The following RUNDC3B variants were observed in gnomAD, a reference collection of about 807,000 sequenced individuals.
The protein encoded by RUNDC3B is RUN domain-containing protein 3B.
RUNDC3B carries 33 observed loss-of-function variants against 58.4 expected under a neutral mutation model. The observed-to-expected ratio is 0.56, with a 90% confidence interval of 0.43 to 0.75. The LOEUF is 0.75. RUNDC3B is among the 30% of genes least tolerant of loss of function. The probability of loss-of-function intolerance (pLI) is 0.00; values close to 1 mark genes in which losing one functional copy is unlikely to be tolerated. For synonymous variants in RUNDC3B, 193 were observed against 195.2 expected, an observed-to-expected ratio of 0.99 and a Z score of 0.10; for missense variants, 501 against 535.7, an observed-to-expected ratio of 0.94 and a Z score of 0.64.
intron 2 of RUNDC3B, among the ~76,000 whole-genome samples, chr7:87,676,703 CAAAAAAAA>C (rs57480483): frequency 6.6e-5 from 3 of 45,432 alleles, no homozygotes; most frequent in Non-Finnish European, 8.8e-5. Flanking sequence ...GACCCTGTCT[CAAAAAAAA>C]AAAAAAAAAA....
intron 2 of RUNDC3B, among the ~76,000 whole-genome samples, chr7:87,654,099 A>C (rs1823841828): frequency 6.6e-6 from 1 of 152,088 alleles, no homozygotes; most frequent in African/African-American, 2.4e-5. Flanking sequence ...AAGTGGAAAG[A>C]TATATGTGTT....
chr7:87,715,459 T>C (rs1474121665), intron 4 of RUNDC3B, among the ~76,000 whole-genome samples: 3 of 131,364 alleles, frequency 2.3e-5, no homozygotes, highest in East Asian at 2.0e-4. Flanking sequence ...ATAATTATAT[T>C]ATATTAATTT....
At chr7:87,817,605 A>G (rs894995041) in intron 10 of RUNDC3B, among the ~76,000 whole-genome samples, 1 of 152,100 alleles carries the variant, frequency 6.6e-6, no homozygotes, top group African/African-American at 2.4e-5. Flanking sequence ...TTCTTTCTTA[A>G]GGCCTTTGCG....
intron 8 of RUNDC3B, among the ~76,000 whole-genome samples, chr7:87,787,720 G>A (rs185864508): frequency 1.1e-3 from 163 of 152,208 alleles, no homozygotes; most frequent in Middle Eastern, 6.8e-3. Context: ...CTCACTTTGT[G>A]AACCATTATG....
At chr7:87,750,035 C>T (rs377085145) in intron 6 of RUNDC3B, among the ~76,000 whole-genome samples, 2 of 152,082 alleles carry the variant, frequency 1.3e-5, no homozygotes, top group Non-Finnish European at 2.9e-5. Flanking sequence ...CCTCTCCCCC[C>T]ACCCCACAAC....
At chr7:87,828,043 C>A (rs1010500455) in intron 10 of RUNDC3B, among the ~76,000 whole-genome samples, 1 of 152,146 alleles carries the variant, frequency 6.6e-6, no homozygotes, top group Non-Finnish European at 1.5e-5. Context: ...ATTCTCTAAT[C>A]ACAGTGCAAA....
chr7:87,660,670 C>G (rs1824608271), intron 2 of RUNDC3B, among the ~76,000 whole-genome samples: 1 of 151,542 alleles, frequency 6.6e-6, no homozygotes, highest in Non-Finnish European at 1.5e-5. Flanking sequence ...TCTTCTTTGG[C>G]TCTATTATGT....
intron 5 of RUNDC3B, among the ~76,000 whole-genome samples, chr7:87,741,291 A>C (rs1832312275): frequency 6.6e-6 from 1 of 152,008 alleles, no homozygotes. Flanking sequence ...ATAGTGTATT[A>C]ATTTGTACAA....
chr7:87,648,184 C>CAAAAAAAA (rs138383809), intron 1 of RUNDC3B, among the ~76,000 whole-genome samples: 1 of 65,458 alleles, frequency 1.5e-5, no homozygotes, highest in African/African-American at 5.5e-5. Flanking sequence ...GACTCTGTCT[C>CAAAAAAAA]AAAAAAAAAA....
chr7:87,822,231 A>G (rs933075950), intron 10 of RUNDC3B, among the ~76,000 whole-genome samples: 2 of 152,258 alleles, frequency 1.3e-5, no homozygotes, highest in African/African-American at 2.4e-5. Flanking sequence ...GGCGAAGGAC[A>G]TGAACAGACA....
intron 7 of RUNDC3B, among the ~76,000 whole-genome samples, chr7:87,773,325 A>AC (rs1403940705): frequency 6.7e-6 from 1 of 150,248 alleles, no homozygotes; most frequent in Admixed American, 6.6e-5. Flanking sequence ...TCCGTCTCAA[A>AC]AAAAAAAAAA....
intron 2 of RUNDC3B, among the ~76,000 whole-genome samples, chr7:87,662,558 A>G (rs149137004): frequency 1.3e-5 from 2 of 152,112 alleles, no homozygotes; most frequent in African/African-American, 2.4e-5. Flanking sequence ...AAATGAGTTA[A>G]CTGTAGTTTT....
chr7:87,703,939 T>TTTTTTTTTTTTTTTTTTTTTTTTTTTTTG (rs1829360490), intron 3 of RUNDC3B, among the ~76,000 whole-genome samples: 1 of 130,584 alleles, frequency 7.7e-6, no homozygotes, highest in African/African-American at 2.9e-5. Flanking sequence ...TTTTTTTTTT[T>TTTTTTTTTTTTTTTTTTTTTTTTTTTTTG]TGAGACAGTC....
intron 4 of RUNDC3B, among the ~76,000 whole-genome samples, chr7:87,724,309 A>T (rs1216873520): frequency 6.6e-6 from 1 of 152,178 alleles, no homozygotes; most frequent in East Asian, 1.9e-4. Context: ...TAAGACCAGG[A>T]TAATGCTATG....
chr7:87,631,172 C>A (rs1821174945), intron 1 of RUNDC3B, among the ~76,000 whole-genome samples: 1 of 152,052 alleles, frequency 6.6e-6, no homozygotes, highest in Non-Finnish European at 1.5e-5. Context: ...TGTAAATTAT[C>A]CATGTGTAGT....
chr7:87,816,647 C>T (rs1382438132), intron 10 of RUNDC3B, among the ~76,000 whole-genome samples: 1 of 152,184 alleles, frequency 6.6e-6, no homozygotes, highest in Non-Finnish European at 1.5e-5. Flanking sequence ...CTGACCACTT[C>T]CTCATTCTTG....
At chr7:87,745,253 A>C (rs1432406991) in intron 6 of RUNDC3B, among the ~76,000 whole-genome samples, 1 of 152,172 alleles carries the variant, frequency 6.6e-6, no homozygotes, top group Admixed American at 6.5e-5. Flanking sequence ...ATCTATGTTC[A>C]TCAAGAATAT....
chr7:87,709,402 C>T, intron 3 of RUNDC3B: 1 of 985,386 alleles, frequency 1.0e-6, no homozygotes, highest in Non-Finnish European at 1.2e-6. Context: ...CTTGCCTCTT[C>T]CTTCCTCTGT....
At chr7:87,669,994 T>C (rs1825670005) in intron 2 of RUNDC3B, among the ~76,000 whole-genome samples, 1 of 152,158 alleles carries the variant, frequency 6.6e-6, no homozygotes, top group Admixed American at 6.5e-5. Context: ...TCTCTGTATT[T>C]TCTGAATTTA....
Sources: gnomAD v4.1 joint callset for allele counts (sites outside exome capture counted in the v4.1 genomes callset) on GRCh38, gnomAD v4.1.1 for gene constraint, MANE v1.5 for transcripts, NCBI Gene and HGNC (gene_info 2026-07-23, HGNC 2026-07-21) for gene names.